S100Z: variants seen among roughly 807,000 people sequenced by gnomAD.
S100Z encodes the protein protein S100-Z.
Under a neutral mutation model 8.5 loss-of-function variants are expected in S100Z, and 11 were observed. The ratio of observed to expected loss-of-function variants is 1.30; its 90% confidence interval spans 0.82 to 2.15. The LOEUF (loss-of-function observed/expected upper bound fraction) is 2.15. Among genes scored for constraint, S100Z ranks in the 30% most tolerant of loss-of-function variants. The pLI is 0.00. For missense variants in S100Z, 126 were observed against 117.9 expected (o/e 1.07, Z -0.32); for synonymous variants, 34 against 43.8 (o/e 0.78, Z 0.89).
chr5:76,942,615 T>C, the S100Z span, among the ~76,000 whole-genome samples: 98,611 of 151,958 alleles, frequency 0.65, 32,227 homozygotes, highest in South Asian at 0.77. Flanking sequence ...CTGGTGAGAG[T>C]GTGCTGGGCT....
chr5:76,952,146 C>T, the S100Z span, among the ~76,000 whole-genome samples: 4 of 152,158 alleles, frequency 2.6e-5, no homozygotes, highest in South Asian at 2.1e-4. Context: ...TACTTATTTC[C>T]GGATCCCTAA....
chr5:76,920,752 T>C lies in S100Z; in HGVS notation c.*38T>C, dbSNP rs966805684. The C allele has an allele frequency of 1.2e-4, 19 of 152,362 alleles. No individual in the cohort carries two copies. The highest frequency in any genetic ancestry group is 7.2e-4 in the Admixed American group (11 of 15,302). 9.4% of individuals were successfully genotyped at this position (152,362 alleles called of 1,614,324 possible). ...AATGCTAATCAAGGGCTAAATAAAG[T>C]GGAAAGCAGCATCCTTGAAAATCAT... On this transcript the variant is annotated 3_prime_UTR_variant, in exon 5 of 5. Transcript: ENST00000317593.
chr5:76,907,756 G>A (rs1203802424), intron 4 of S100Z, among the ~76,000 whole-genome samples: 1 of 151,896 alleles, frequency 6.6e-6, no homozygotes, highest in Admixed American at 6.6e-5. Context: ...TTCAATATTT[G>A]GCCAAAGCTG....
chr5:76,894,664 C>T (rs551808417), intron 4 of S100Z, among the ~76,000 whole-genome samples: 31 of 149,752 alleles, frequency 2.1e-4, no homozygotes, highest in South Asian at 1.9e-3. Flanking sequence ...GACATGATCT[C>T]GGCTTACAGC....
At position 76,899,198 on chromosome 5, in the gene S100Z, T is replaced by C. The variant is rs373413897; in HGVS notation, c.*2+21364T>C. Among the ~76,000 whole-genome samples the C allele has an allele frequency of 6.6e-5, 10 of 152,260 alleles. No homozygotes were observed. The East Asian group carries it at 9.6e-4, about 15-fold the overall frequency. On this transcript the variant is annotated intron_variant, in intron 4 of 4. Coordinates refer to ENST00000317593, the MANE Select transcript of S100Z (RefSeq NM_130772.4). ...ATCCACCCACCTCAGCCTCCCAAAG[T>C]GCGGGATTACAGGTGTGAGCCACTG... is the stretch of plus-strand genomic sequence containing the variant.
At chr5:76,858,797 TTGG>T (rs1330065456) in intron 1 of S100Z, among the ~76,000 whole-genome samples, 1 of 152,142 alleles carries the variant, frequency 6.6e-6, no homozygotes, top group Non-Finnish European at 1.5e-5. Context: ...ATATCTTAAC[TTGG>T]TGGATACACA....
At chr5:76,882,664 T>G (rs1464252293) in intron 4 of S100Z, among the ~76,000 whole-genome samples, 3 of 152,178 alleles carry the variant, frequency 2.0e-5, no homozygotes, top group African/African-American at 7.2e-5. Context: ...CATGTGTATT[T>G]TCATGAAGAA....
At chr5:76,859,913 T>G (rs1751006783) in intron 1 of S100Z, among the ~76,000 whole-genome samples, 1 of 152,188 alleles carries the variant, frequency 6.6e-6, no homozygotes, top group African/African-American at 2.4e-5. Flanking sequence ...ATTGGGTTTG[T>G]AACCTAACCC....
chr5:76,889,894 T>C (rs1180354988), intron 4 of S100Z, among the ~76,000 whole-genome samples: 1 of 152,264 alleles, frequency 6.6e-6, no homozygotes, highest in Non-Finnish European at 1.5e-5. Context: ...CATTTTCTCA[T>C]TGTGGTTATT....
At chr5:76,869,517 G>A (rs1742926266) in intron 1 of S100Z, among the ~76,000 whole-genome samples, 1 of 152,188 alleles carries the variant, frequency 6.6e-6, no homozygotes, top group South Asian at 2.1e-4. Context: ...CAGTTTGCAG[G>A]CAGGGCCAAC....
Position 76,921,344 on chromosome 5 carries a change from G to A in S100Z, c.*630G>A, listed in dbSNP as rs1745031166. Reference sequence around the variant, plus strand: ...TTAATAATACTAAGGGAGCTTTTAAGTCAATACATCTGAATCTTGAATAAA... The same window carrying A: ...TTAATAATACTAAGGGAGCTTTTAAATCAATACATCTGAATCTTGAATAAA... On this transcript the variant is annotated 3_prime_UTR_variant, in exon 5 of 5. Coordinates refer to ENST00000317593, the MANE Select transcript of S100Z (RefSeq NM_130772.4). 1.3e-5 allele frequency: 2 copies of A among 152,094 alleles called. No homozygotes were observed. Among genetic ancestry groups the A allele is most frequent in the Non-Finnish European group, 2.9e-5 (2 of 68,022 alleles). 9.4% of individuals were successfully genotyped at this position (152,094 alleles called of 1,614,324 possible). A position where few individuals can be genotyped will look rare whatever the true frequency, so the allele number is the denominator to read the frequency against.
intron 4 of S100Z, among the ~76,000 whole-genome samples, chr5:76,893,786 T>C (rs115101070): frequency 0.01 from 1,587 of 152,228 alleles, 39 homozygotes; most frequent in African/African-American, 0.036. Flanking sequence ...TTCTGGAGAA[T>C]CCTCTTCTAA....
At chr5:76,938,545 GA>G in the S100Z span, among the ~76,000 whole-genome samples, 3 of 152,182 alleles carry the variant, frequency 2.0e-5, no homozygotes, top group African/African-American at 7.2e-5. Context: ...ATCACTTTCT[GA>G]GCCCCCACAG....
chr5:76,877,625 A>G (rs1168243117), intron 3 of S100Z, 49 bp from the exon 4 acceptor site: 6 of 1,114,262 alleles, frequency 5.4e-6, no homozygotes, highest in Non-Finnish European at 6.7e-6. Flanking sequence ...TTCAATTGTC[A>G]TCATGAACCT....
chr5:76,947,451 C>A, the S100Z span, among the ~76,000 whole-genome samples: 2 of 152,182 alleles, frequency 1.3e-5, no homozygotes, highest in South Asian at 4.1e-4. Flanking sequence ...AAAAATAAAT[C>A]TTATCTATTA....
chr5:76,888,417 CTAGGCTGG>C (rs1743730136), intron 4 of S100Z, among the ~76,000 whole-genome samples: 1 of 104,452 alleles, frequency 9.6e-6, no homozygotes, highest in Non-Finnish European at 1.8e-5. Flanking sequence ...GCTCTGTCAC[CTAGGCTGG>C]AGTGCAGTGG....
At chr5:76,922,063 T>C (rs1454953629), downstream of S100Z, among the ~76,000 whole-genome samples, 1 of 152,010 alleles carries the variant, frequency 6.6e-6, no homozygotes, top group African/African-American at 2.4e-5. Flanking sequence ...TCAGATATGC[T>C]GTTAGGGCTC....
At chr5:76,924,483 C>T (rs1296908798), downstream of S100Z, among the ~76,000 whole-genome samples, 1 of 152,190 alleles carries the variant, frequency 6.6e-6, no homozygotes, top group East Asian at 1.9e-4. Context: ...GATTAGCATG[C>T]CCTTTAAAAT....
At chr5:76,858,490 T>G (rs1236342448) in intron 1 of S100Z, among the ~76,000 whole-genome samples, 1 of 151,350 alleles carries the variant, frequency 6.6e-6, no homozygotes, top group Admixed American at 6.6e-5. Context: ...GCCACTACAT[T>G]CCAGCCGGGG....
Sources: gnomAD v4.1 joint callset for allele counts (sites outside exome capture counted in the v4.1 genomes callset) on GRCh38, gnomAD v4.1.1 for gene constraint, MANE v1.5 for transcripts, NCBI Gene and HGNC (gene_info 2026-07-23, HGNC 2026-07-21) for gene names.